ANXA8: variants seen among roughly 807,000 people sequenced by gnomAD.
The protein encoded by ANXA8 is annexin A8.
A neutral mutation model predicts 26.8 loss-of-function variants in ANXA8; 9 were observed. The ratio of observed to expected loss-of-function variants is 0.34; its 90% confidence interval spans 0.20 to 0.59. The LOEUF (loss-of-function observed/expected upper bound fraction) is 0.59. Ranked by LOEUF, ANXA8 falls within the 20% of genes least tolerant of loss-of-function variation. The probability of loss-of-function intolerance (pLI) is 0.84; values close to 1 mark genes in which losing one functional copy is unlikely to be tolerated. For missense variants in ANXA8, 83 were observed against 238.5 expected (o/e 0.35, Z 4.29); for synonymous variants, 39 against 94.8 (o/e 0.41, Z 3.42).
At chr10:47,567,545 GTTC>G in the ANXA8 span, among the ~76,000 whole-genome samples, 1 of 151,166 alleles carries the variant, frequency 6.6e-6, no homozygotes, top group Admixed American at 6.6e-5. Flanking sequence ...TCTTCTATTT[GTTC>G]TTCTTTTCAC....
chr10:47,548,327 AT>A, the ANXA8 span, among the ~76,000 whole-genome samples: 1 of 147,310 alleles, frequency 6.8e-6, no homozygotes, highest in South Asian at 2.1e-4. Flanking sequence ...TTGAGACAGA[AT>A]TTCACTCTTG....
chr10:47,694,314 G>A, the ANXA8 span, among the ~76,000 whole-genome samples: 1 of 150,678 alleles, frequency 6.6e-6, no homozygotes, highest in Non-Finnish European at 1.5e-5. Flanking sequence ...GGAAAAAAAA[G>A]AAATCTACAC....
chr10:47,580,426 C>T, the ANXA8 span, among the ~76,000 whole-genome samples: 1 of 151,450 alleles, frequency 6.6e-6, no homozygotes, highest in Admixed American at 6.6e-5. Flanking sequence ...ATTCTCAATA[C>T]ATTTTAAAAG....
chr10:47,491,717 G>A, the ANXA8 span: 184 of 1,543,296 alleles, frequency 1.2e-4, no homozygotes, highest in Non-Finnish European at 1.6e-4. Context: ...CTGAGGACTG[G>A]CCCAACATGC....
chr10:47,967,886 C>G, the ANXA8 span, among the ~76,000 whole-genome samples: 13 of 135,778 alleles, frequency 9.6e-5, no homozygotes, highest in Non-Finnish European at 2.0e-4. Flanking sequence ...TCAGAGTAAA[C>G]TAACTTTACA....
chr10:47,622,796 G>A, the ANXA8 span, among the ~76,000 whole-genome samples: 1 of 109,674 alleles, frequency 9.1e-6, no homozygotes, highest in Non-Finnish European at 2.0e-5. Flanking sequence ...ATTTTTATAT[G>A]GCCACAGAAA....
At chr10:47,777,548 T>C in the ANXA8 span, among the ~76,000 whole-genome samples, 1 of 152,238 alleles carries the variant, frequency 6.6e-6, no homozygotes, top group South Asian at 2.1e-4. Flanking sequence ...AAAAATAAGA[T>C]AAACATGGTG....
the ANXA8 span, among the ~76,000 whole-genome samples, chr10:47,735,076 G>T: frequency 6.7e-6 from 1 of 149,874 alleles, no homozygotes; most frequent in Admixed American, 6.7e-5. Context: ...AAACAAAAAC[G>T]CATGTTCCTT....
chr10:47,565,745 G>A, the ANXA8 span: 6 of 585,240 alleles, frequency 1.0e-5, no homozygotes, highest in African/African-American at 1.9e-5. Flanking sequence ...TGCAAGGGCC[G>A]GGCAGGGTGC....
the ANXA8 span, among the ~76,000 whole-genome samples, chr10:47,671,798 G>A: frequency 2.0e-5 from 3 of 151,698 alleles, no homozygotes; most frequent in Non-Finnish European, 2.9e-5. Context: ...TGCCATTGAT[G>A]TCTAGACAGA....
chr10:47,667,999 A>G, the ANXA8 span, among the ~76,000 whole-genome samples: 1 of 151,908 alleles, frequency 6.6e-6, no homozygotes, highest in Non-Finnish European at 1.5e-5. Context: ...CGGCCTCCCA[A>G]AGTGCTGGGA....
the ANXA8 span, among the ~76,000 whole-genome samples, chr10:47,506,747 C>A: frequency 2.1e-5 from 3 of 145,276 alleles, 1 homozygote; most frequent in Non-Finnish European, 4.5e-5. Flanking sequence ...TCAAGCGGTT[C>A]TCCTGCCTCA....
upstream of ANXA8, among the ~76,000 whole-genome samples, chr10:47,487,006 A>C (rs1412869518): frequency 6.6e-6 from 1 of 151,200 alleles, no homozygotes; most frequent in Non-Finnish European, 1.5e-5. Context: ...AAAAAAACAA[A>C]GTAGCTAGAA....
the ANXA8 span, among the ~76,000 whole-genome samples, chr10:47,914,843 T>G: frequency 6.8e-6 from 1 of 147,990 alleles, no homozygotes; most frequent in African/African-American, 2.5e-5. Context: ...ATTTAGGCAT[T>G]AAAGGAAGTT....
chr10:47,501,347 T>A, the ANXA8 span, among the ~76,000 whole-genome samples: 3 of 122,982 alleles, frequency 2.4e-5, no homozygotes, highest in East Asian at 2.9e-4. Flanking sequence ...GCGCCCAGCC[T>A]AACTGTAACC....
At chr10:47,948,231 G>A in the ANXA8 span, among the ~76,000 whole-genome samples, 166 of 127,216 alleles carry the variant, frequency 1.3e-3, 2 homozygotes, top group African/African-American at 5.2e-3. Context: ...AACAATGTTT[G>A]GTGTCATATA....
chr10:47,760,859 C>G, the ANXA8 span: 1 of 1,402,196 alleles, frequency 7.1e-7, no homozygotes, highest in Non-Finnish European at 9.6e-7. Flanking sequence ...TCGGCCCACT[C>G]TCCACTGTGC....
chr10:47,507,715 C>T, the ANXA8 span: 4 of 622,996 alleles, frequency 6.4e-6, no homozygotes, highest in Non-Finnish European at 1.1e-5. Flanking sequence ...AGAACAGTAC[C>T]ATAAGGGCAC....
the ANXA8 span, among the ~76,000 whole-genome samples, chr10:47,743,351 T>TACAC: frequency 1.0e-4 from 7 of 68,350 alleles, no homozygotes; most frequent in African/African-American, 3.3e-4. Context: ...CATATATATA[T>TACAC]ATACACATAT....
Sources: allele counts gnomAD v4.1 joint callset (sites outside exome capture counted in the v4.1 genomes callset), GRCh38; gene constraint gnomAD v4.1.1; transcripts MANE v1.5; gene names NCBI Gene and HGNC (gene_info 2026-07-23, HGNC 2026-07-21).